The following KIF27 variants were observed in gnomAD, a reference collection of about 807,000 sequenced individuals.
KIF27 encodes kinesin family member 27.
Under a neutral mutation model 141.8 loss-of-function variants are expected in KIF27, and 84 were observed. That is an observed-to-expected ratio of 0.59 (90% confidence interval 0.50 to 0.71). The LOEUF is 0.71. Ranked by LOEUF, KIF27 falls within the 30% of genes least tolerant of loss-of-function variation. The probability of loss-of-function intolerance (pLI) is 0.00; values close to 1 mark genes in which losing one functional copy is unlikely to be tolerated. For synonymous variants in KIF27, 471 were observed against 569.5 expected, an observed-to-expected ratio of 0.83 and a Z score of 2.46; for missense variants, 1,306 against 1,628.4, an observed-to-expected ratio of 0.80 and a Z score of 3.41.
At chr9:83,859,750 C>T in intron 13 of KIF27, 1 of 187,542 alleles carries the variant, frequency 5.3e-6, no homozygotes, top group South Asian at 1.1e-4. Flanking sequence ...CCAGGCTGGT[C>T]TCGAACTCCT....
At chr9:83,911,987 A>C (rs1955214446) in intron 2 of KIF27, among the ~76,000 whole-genome samples, 1 of 152,190 alleles carries the variant, frequency 6.6e-6, no homozygotes, top group South Asian at 2.1e-4. Context: ...TTGCATTAAC[A>C]ATTAGTATAT....
intron 4 of KIF27, among the ~76,000 whole-genome samples, chr9:83,900,854 T>C (rs2780086): frequency 6.6e-6 from 1 of 150,804 alleles, no homozygotes; most frequent in Non-Finnish European, 1.5e-5. Context: ...ATGAGGAAGG[T>C]CCTGCTCTAC....
intron 16 of KIF27, among the ~76,000 whole-genome samples, chr9:83,843,780 T>G (rs1484356213): frequency 6.6e-6 from 1 of 152,158 alleles, no homozygotes; most frequent in Non-Finnish European, 1.5e-5. Flanking sequence ...GAGTGTGTAG[T>G]GGTGCAATCA....
intron 3 of KIF27, among the ~76,000 whole-genome samples, chr9:83,906,920 G>A (rs1954608570): frequency 6.6e-6 from 1 of 151,844 alleles, no homozygotes; most frequent in Non-Finnish European, 1.5e-5. Context: ...AAACATATGT[G>A]AAAATATTCA....
chr9:83,917,298 C>T (rs985493760), intron 1 of KIF27, among the ~76,000 whole-genome samples: 3 of 151,946 alleles, frequency 2.0e-5, no homozygotes, highest in African/African-American at 7.3e-5. Flanking sequence ...AGTCTGAAAA[C>T]TATAAAATAC....
At chr9:83,908,198 G>A (rs1182144506) in intron 3 of KIF27, among the ~76,000 whole-genome samples, 1 of 148,090 alleles carries the variant, frequency 6.8e-6, no homozygotes, top group Non-Finnish European at 1.5e-5. Context: ...GGAGGTAGAG[G>A]TTGCAGTGAG....
Position 83,870,613 on chromosome 9 carries a change from C to A in KIF27, c.2663G>T (p.Gly888Val), listed in dbSNP as rs1445121618. Residue 888 changes from glycine (G) to valine (V), a missense_variant, in exon 12 of 18, where the codon GGA (glycine) becomes GTA (valine). Physicochemically the swap from Gly to Val is moderately radical, Grantham distance 109. Around this residue, in one of 4 missense-constraint regions of KIF27, gnomAD observed 596 missense variants for 751.6 expected, o/e 0.79. Coordinates refer to ENST00000297814, the MANE Select transcript of KIF27 (RefSeq NM_017576.4). The stretch of plus-strand genomic sequence containing the variant: ...TTTCGGTTTTAGACCTTCTTCCTGT[C>A]CTGTTTTTAATTGTATTTCCTATAG... ...QKIKEIQLKT[G>V]QEEGLKPKAE... The A allele has an allele frequency of 1.2e-6, 2 of 1,613,754 alleles. No homozygotes were observed.
In KIF27 at chr9:83,883,801, T is replaced by C; in HGVS notation, c.2445+12A>G. 2 of 1,588,762 alleles carry C rather than the reference T, an allele frequency of 1.3e-6. No individual in the cohort carries two copies. The highest frequency in any genetic ancestry group is 8.6e-7 in the Non-Finnish European group (1 of 1,160,888). On this transcript the variant is annotated intron_variant, in intron 10 of 17. Coordinates refer to ENST00000297814, the MANE Select transcript of KIF27 (RefSeq NM_017576.4). ...CTTAAATAAGTTTTCTCAATTACAT[T>C]TTTTAAATTACCTGAACTCTCAGCT...
In KIF27 at chr9:83,883,874, A is replaced by G. The variant is rs746997899; in HGVS notation, c.2384T>C (p.Met795Thr). ...AAACTCTTTCTGTAATTTTACCTTC[A>G]TTGCAACATCAGAAAGATCTTTGTT... ...LENKDLSDVA[M>T]KVKLQKEFRK... Residue 795 changes from methionine to threonine, a missense_variant, in exon 10 of 18, where the codon ATG (methionine) becomes ACG (threonine). Physicochemically the swap from Met to Thr is moderately conservative, Grantham distance 81. Around this residue, in one of 4 missense-constraint regions of KIF27, gnomAD observed 596 missense variants for 751.6 expected, o/e 0.79. Coordinates refer to ENST00000297814, the MANE Select transcript of KIF27 (RefSeq NM_017576.4). The G allele has an allele frequency of 1.2e-6, 2 of 1,613,376 alleles. No individual in the cohort carries two copies. The highest frequency in any genetic ancestry group is 1.7e-5 in the Admixed American group (1 of 59,992).
intron 11 of KIF27, among the ~76,000 whole-genome samples, chr9:83,879,535 C>G (rs2132181448): frequency 6.6e-6 from 1 of 151,596 alleles, no homozygotes. Flanking sequence ...CAATTATGTC[C>G]CATGCCTTGG....
chr9:83,889,383 A>G, intron 6 of KIF27, 130 bp from the exon 7 acceptor site: 1 of 688,194 alleles, frequency 1.5e-6, no homozygotes, highest in Non-Finnish European at 2.3e-6. Context: ...TCACTGGAAA[A>G]TGCTCCCCTC....
At chr9:83,907,473 G>A (rs1242738388) in intron 3 of KIF27, among the ~76,000 whole-genome samples, 1 of 151,910 alleles carries the variant, frequency 6.6e-6, no homozygotes, top group Non-Finnish European at 1.5e-5. Flanking sequence ...ACTCTATGAT[G>A]AACATGTTAG....
intron 2 of KIF27, among the ~76,000 whole-genome samples, chr9:83,912,617 TATAATA>T (rs1366827522): frequency 6.6e-6 from 1 of 152,200 alleles, no homozygotes; most frequent in African/African-American, 2.4e-5. Flanking sequence ...TTCAAATATT[TATAATA>T]AAGCTCCAAT....
chr9:83,907,106 C>T (rs1244564770), intron 3 of KIF27, among the ~76,000 whole-genome samples: 1 of 151,446 alleles, frequency 6.6e-6, no homozygotes, highest in Non-Finnish European at 1.5e-5. Context: ...CTGGCTAACA[C>T]GGTGAAACCC....
chr9:83,876,044 C>T (rs1029138665), intron 11 of KIF27, among the ~76,000 whole-genome samples: 37 of 152,028 alleles, frequency 2.4e-4, no homozygotes, highest in African/African-American at 8.5e-4. Context: ...TAAAAGATGA[C>T]ACGTACATGC....
intron 14 of KIF27, among the ~76,000 whole-genome samples, chr9:83,855,625 AT>A (rs1949111226): frequency 6.6e-6 from 1 of 152,104 alleles, no homozygotes; most frequent in African/African-American, 2.4e-5. Flanking sequence ...AACGAAACAA[AT>A]TTTTTTTCTT....
chr9:83,894,296 AT>A (rs1461775913), intron 5 of KIF27, among the ~76,000 whole-genome samples: 1 of 152,252 alleles, frequency 6.6e-6, no homozygotes, highest in African/African-American at 2.4e-5. Flanking sequence ...AAAGAAAAAT[AT>A]AGGACAAACT....
intron 2 of KIF27, 79 bp from the exon 3 acceptor site, chr9:83,908,731 A>C (rs1724748543): frequency 1.3e-6 from 1 of 796,994 alleles, no homozygotes; most frequent in South Asian, 2.3e-5. Context: ...TAGTTAATTT[A>C]TTTTACTACA....
At chr9:83,915,888 C>A (rs1209181394) in intron 1 of KIF27, among the ~76,000 whole-genome samples, 1 of 151,934 alleles carries the variant, frequency 6.6e-6, no homozygotes, top group Non-Finnish European at 1.5e-5. Context: ...GGTGTGGGGT[C>A]CATGAGTTGA....
Sources: allele counts gnomAD v4.1 joint callset (sites outside exome capture counted in the v4.1 genomes callset), GRCh38; gene constraint gnomAD v4.1.1; regional missense constraint gnomAD v4.1.1; transcripts MANE v1.5; gene names NCBI Gene and HGNC (gene_info 2026-07-23, HGNC 2026-07-21).